The following SCGB2B2 variants were observed in gnomAD, a reference collection of about 807,000 sequenced individuals.
SCGB2B2 encodes the protein secretoglobin family 2B member 2.
In SCGB2B2, 11 loss-of-function variants were observed where a neutral mutation model predicts 7.6. The ratio of observed to expected loss-of-function variants is 1.45; its 90% confidence interval spans 0.91 to 2.40. The LOEUF is 2.40. Among genes scored for constraint, SCGB2B2 ranks in the 30% most tolerant of loss-of-function variants. The pLI is 0.00. For synonymous variants in SCGB2B2, 50 were observed against 48.6 expected (o/e 1.03, Z -0.12); for missense variants, 104 against 115.4 (o/e 0.90, Z 0.45).
intron 1 of SCGB2B2, among the ~76,000 whole-genome samples, chr19:34,636,286 G>A (rs571640621): frequency 2.0e-5 from 3 of 152,244 alleles, no homozygotes; most frequent in Admixed American, 6.5e-5. Flanking sequence ...ACTCTTGGGG[G>A]GCTACGGGGG....
At chr19:34,638,448 C>CAA (rs59332569) in intron 1 of SCGB2B2, among the ~76,000 whole-genome samples, 2 of 133,750 alleles carry the variant, frequency 1.5e-5, no homozygotes, top group African/African-American at 5.5e-5. Context: ...GTCTCCAAAA[C>CAA]AAAAAAAAAA....
At chr19:34,607,669 G>C (rs962130033) in intron 1 of SCGB2B2, among the ~76,000 whole-genome samples, 2 of 152,158 alleles carry the variant, frequency 1.3e-5, no homozygotes, top group Non-Finnish European at 2.9e-5. Context: ...GGTATGTTGT[G>C]GTTTTGATTG....
intron 1 of SCGB2B2, among the ~76,000 whole-genome samples, chr19:34,653,606 CAG>C (rs2067214764): frequency 6.6e-6 from 1 of 151,162 alleles, no homozygotes; most frequent in Non-Finnish European, 1.5e-5. Context: ...CACACATTAA[CAG>C]AATTATACAA....
chr19:34,611,428 TG>T (rs1368948323), intron 1 of SCGB2B2, among the ~76,000 whole-genome samples: 4 of 133,026 alleles, frequency 3.0e-5, no homozygotes, highest in African/African-American at 5.1e-5. Context: ...GAAATCTTTC[TG>T]TTTTTTTGAT....
In SCGB2B2 at chr19:34,611,498, A is replaced by T. The variant is rs62124628; in HGVS notation, c.-2031-14904T>A. Among the ~76,000 whole-genome samples, 678 of 151,946 alleles carry T rather than the reference A, an allele frequency of 4.5e-3. 2 individuals are homozygous for T. Among genetic ancestry groups the T allele is most frequent in the Non-Finnish European group, 7.3e-3 (494 of 67,958 alleles). ...ATTTTGCTGTGTCCTATAGATGTTG[A>T]TATGTTGTGTTGGTTTCATCTGAAC... is the stretch of plus-strand genomic sequence containing the variant. On this transcript the variant is annotated intron_variant, in intron 1 of 3. Coordinates refer to ENST00000601241, the MANE Select transcript of SCGB2B2 (RefSeq NM_001025591.4).
At chr19:34,609,363 G>A (rs1168486524) in intron 1 of SCGB2B2, among the ~76,000 whole-genome samples, 1 of 151,568 alleles carries the variant, frequency 6.6e-6, no homozygotes, top group Non-Finnish European at 1.5e-5. Context: ...TTTTGTTTGT[G>A]CTTTTGAGGT....
chr19:34,606,290 AT>A (rs1312905207), intron 1 of SCGB2B2, among the ~76,000 whole-genome samples: 2 of 152,088 alleles, frequency 1.3e-5, no homozygotes, highest in Non-Finnish European at 2.9e-5. Flanking sequence ...TCCATCATAG[AT>A]TTAAGATCAT....
Position 34,592,573 on chromosome 19 carries a change from A to C in SCGB2B2, c.*982T>G, listed in dbSNP as rs930654924. ...CTGGGAGGTCCAAGGAGCCTGCGGA[A>C]AGGGCTTGAGGTTTGGGGAGGGACC... On this transcript the variant is annotated 3_prime_UTR_variant, in exon 4 of 4. Transcript: ENST00000601241. Among the ~76,000 whole-genome samples, 1 of 152,064 alleles carries C rather than the reference A, an allele frequency of 6.6e-6. No individual in the cohort carries two copies. The highest frequency in any genetic ancestry group is 1.5e-5 in the Non-Finnish European group (1 of 68,010).
chr19:34,617,962 A>C (rs936484830), intron 1 of SCGB2B2, among the ~76,000 whole-genome samples: 12 of 152,206 alleles, frequency 7.9e-5, no homozygotes, highest in African/African-American at 2.9e-4. Context: ...GCGCTTCCCG[A>C]GTGAGGCAAT....
chr19:34,636,656 C>T (rs1157692349), intron 1 of SCGB2B2, among the ~76,000 whole-genome samples: 1 of 152,116 alleles, frequency 6.6e-6, no homozygotes, highest in African/African-American at 2.4e-5. Context: ...GGGAGTCGGC[C>T]CTGGCCAGAT....
intron 1 of SCGB2B2, among the ~76,000 whole-genome samples, chr19:34,630,957 C>T (rs2066512756): frequency 6.6e-6 from 1 of 151,884 alleles, no homozygotes; most frequent in Non-Finnish European, 1.5e-5. Flanking sequence ...AGTTCATGTC[C>T]TTTGTAGGGA....
chr19:34,666,730 G>A (rs1041052129), intron 1 of SCGB2B2, among the ~76,000 whole-genome samples: 3 of 152,086 alleles, frequency 2.0e-5, no homozygotes, highest in Non-Finnish European at 4.4e-5. Flanking sequence ...CCCTGACCCC[G>A]CACTGCATGG....
chr19:34,644,075 T>TATATCA (rs1478765270), intron 1 of SCGB2B2, among the ~76,000 whole-genome samples: 5 of 152,356 alleles, frequency 3.3e-5, no homozygotes, highest in Admixed American at 1.3e-4. Flanking sequence ...GATTTGTGAT[T>TATATCA]ATATCAACAA....
chr19:34,629,496 C>T (rs56283879), intron 1 of SCGB2B2, among the ~76,000 whole-genome samples: 13,349 of 151,846 alleles, frequency 0.088, 868 homozygotes, highest in East Asian at 0.28. Context: ...AGAACCAAAT[C>T]GTGAGTGAAC....
At chr19:34,629,466 C>T (rs995183279) in intron 1 of SCGB2B2, among the ~76,000 whole-genome samples, 2 of 151,370 alleles carry the variant, frequency 1.3e-5, no homozygotes, top group African/African-American at 2.4e-5. Flanking sequence ...CATTCCTATA[C>T]ACCAATAACA....
chr19:34,655,228 C>A (rs1187396956), intron 1 of SCGB2B2, among the ~76,000 whole-genome samples: 3 of 151,248 alleles, frequency 2.0e-5, no homozygotes, highest in African/African-American at 7.4e-5. Context: ...CCTCATTATA[C>A]CCAATTCCCT....
rs1045966191 is a variant in SCGB2B2 at position 34,592,622 on chromosome 19, C to G, written c.*933G>C. On this transcript the variant is annotated 3_prime_UTR_variant, in exon 4 of 4. Transcript: ENST00000601241. ...CCTCCCCCAGAAGGAGTTGATGGAG[C>G]CTCATCAGTGTATTGAAGGCCACTG... Among the ~76,000 whole-genome samples the G allele has an allele frequency of 6.6e-6, 1 of 152,102 alleles. No individual in the cohort carries two copies. Among genetic ancestry groups the G allele is most frequent in the African/African-American group, 2.4e-5 (1 of 41,402 alleles).
At chr19:34,596,705 AG>A (rs1209325842) in intron 1 of SCGB2B2, 111 bp from the exon 2 acceptor site, 1 of 152,242 alleles carries the variant, frequency 6.6e-6, no homozygotes, top group Non-Finnish European at 1.5e-5. Flanking sequence ...CAGGGGGAAA[AG>A]CCAGGTACAG....
intron 1 of SCGB2B2, among the ~76,000 whole-genome samples, chr19:34,627,108 G>A (rs1204015620): frequency 2.0e-5 from 3 of 152,172 alleles, no homozygotes; most frequent in Non-Finnish European, 4.4e-5. Context: ...CCTGAAGGAA[G>A]CACTAAACAT....
Sources: allele counts gnomAD v4.1 joint callset (sites outside exome capture counted in the v4.1 genomes callset), GRCh38; gene constraint gnomAD v4.1.1; transcripts MANE v1.5; gene names NCBI Gene and HGNC (gene_info 2026-07-23, HGNC 2026-07-21).